Variants in WASL observed in about 807,000 individuals in gnomAD.
WASL encodes actin nucleation-promoting factor WASL.
In WASL, 20 loss-of-function variants were observed where a neutral mutation model predicts 55.5. The observed-to-expected ratio is 0.36, with a 90% CI of 0.25 to 0.52. The LOEUF (loss-of-function observed/expected upper bound fraction) is 0.52, where lower values mean the gene tolerates loss of function less well. WASL is among the 20% of genes least tolerant of loss of function. The pLI is 0.92. For missense variants in WASL, 504 were observed against 622.5 expected (o/e 0.81, Z 2.03); for synonymous variants, 249 against 217.6 (o/e 1.14, Z -1.27).
chr7:123,700,069 G>A (rs1306470206), intron 5 of WASL, among the ~76,000 whole-genome samples: 1 of 149,420 alleles, frequency 6.7e-6, no homozygotes, highest in East Asian at 2.0e-4. Context: ...CCAGCTACAC[G>A]GGAGGCTGAG....
chr7:123,743,597 G>GA (rs1412523710), intron 1 of WASL, among the ~76,000 whole-genome samples: 1 of 152,088 alleles, frequency 6.6e-6, no homozygotes, highest in Admixed American at 6.5e-5. Context: ...ATATAGAGCT[G>GA]AAAATTTTAC....
intron 1 of WASL, among the ~76,000 whole-genome samples, chr7:123,710,691 C>A (rs1803740288): frequency 6.6e-6 from 1 of 152,000 alleles, no homozygotes; most frequent in African/African-American, 2.4e-5. Flanking sequence ...CACAAAGGAA[C>A]AGAAAAATTT....
At position 123,737,254 on chromosome 7, in the gene WASL, G is replaced by A. The variant is rs368171992; in HGVS notation, c.117+11364C>T. Among the ~76,000 whole-genome samples the A allele has an allele frequency of 7.9e-5, 12 of 152,248 alleles. No individual in the cohort carries two copies. In the East Asian group the frequency reaches 9.6e-4, roughly 12 times the overall value. On this transcript the variant is annotated intron_variant, in intron 1 of 10. Transcript: ENST00000223023. ...GGGCCACATGCAGCCCATGGGCCAC[G>A]GGTTGGAAAAGCTTGGTCTACGTAC... is the stretch of plus-strand genomic sequence containing the variant.
chr7:123,740,322 A>G (rs1804317609), intron 1 of WASL, among the ~76,000 whole-genome samples: 1 of 152,112 alleles, frequency 6.6e-6, no homozygotes, highest in African/African-American at 2.4e-5. Context: ...AAAAAGGGTT[A>G]CAATTCCTCT....
rs1803249613 is a variant in WASL, at chr7:123,684,240, T to C, written c.*279A>G. 1 of 168,428 alleles carries C rather than the reference T, an allele frequency of 5.9e-6. No homozygotes were observed. The highest frequency in any genetic ancestry group is 1.3e-5 in the Non-Finnish European group (1 of 79,184). The allele number at this position is 168,428 out of a possible 1,614,324, so 10.4% of individuals were successfully genotyped here. A position where few individuals can be genotyped will look rare whatever the true frequency, so the allele number is the denominator to read the frequency against. Reference sequence around the variant, plus strand: ...GTTTTTGTCAGTCTCACATATAGTATTTAAACTCCCTTGTTGATGGAATGA... The same window carrying C: ...GTTTTTGTCAGTCTCACATATAGTACTTAAACTCCCTTGTTGATGGAATGA... On this transcript the variant is annotated 3_prime_UTR_variant, in exon 11 of 11. Coordinates refer to ENST00000223023, the MANE Select transcript of WASL (RefSeq NM_003941.4).
intron 5 of WASL, among the ~76,000 whole-genome samples, chr7:123,698,935 T>C (rs1014455320): frequency 6.6e-6 from 1 of 152,232 alleles, no homozygotes; most frequent in Non-Finnish European, 1.5e-5. Context: ...GGTCTACTTT[T>C]ACTTCTCATT....
chr7:123,709,142 G>A lies in WASL; in HGVS notation c.199C>T (p.Leu67Phe). The change falls in exon 2 of 11, where the codon CTT (leucine) becomes TTT (phenylalanine). Residue 67 changes from leucine to phenylalanine, a missense_variant. Around this residue, in one of 5 missense-constraint regions of WASL, gnomAD observed 230 missense variants for 271.9 expected, o/e 0.85. Coordinates refer to ENST00000223023, the MANE Select transcript of WASL (RefSeq NM_003941.4). ...WSKKCSGVAC[L>F]VKDNPQRSYF... Reference sequence around the variant, plus strand: ...GATCTCTGTGGATTGTCCTTAACAAGACAAGCAACACCACTGCACTTCTTT... The same window carrying A: ...GATCTCTGTGGATTGTCCTTAACAAAACAAGCAACACCACTGCACTTCTTT... 1.2e-6 allele frequency: 2 copies of A among 1,612,844 alleles called. No homozygotes were observed. Among genetic ancestry groups the A allele is most frequent in the Non-Finnish European group, 1.7e-6 (2 of 1,179,246 alleles).
intron 1 of WASL, among the ~76,000 whole-genome samples, chr7:123,710,039 C>A (rs536795476): frequency 6.6e-6 from 1 of 152,196 alleles, no homozygotes; most frequent in African/African-American, 2.4e-5. Flanking sequence ...CACCATGTTG[C>A]CCCCTTCCTC....
chr7:123,740,325 A>G (rs1344296932), intron 1 of WASL, among the ~76,000 whole-genome samples: 1 of 152,134 alleles, frequency 6.6e-6, no homozygotes, highest in Non-Finnish European at 1.5e-5. Context: ...AAGGGTTACA[A>G]TTCCTCTACA....
intron 1 of WASL, among the ~76,000 whole-genome samples, chr7:123,727,017 A>G (rs1804056231): frequency 6.6e-6 from 1 of 152,204 alleles, no homozygotes; most frequent in African/African-American, 2.4e-5. Flanking sequence ...TCTATGGGCA[A>G]AAGACCTGAA....
At chr7:123,743,249 A>G (rs1029718879) in intron 1 of WASL, among the ~76,000 whole-genome samples, 3 of 151,974 alleles carry the variant, frequency 2.0e-5, no homozygotes, top group Non-Finnish European at 4.4e-5. Flanking sequence ...AGGGAGGAGA[A>G]TAACTTGAAC....
At chr7:123,716,920 T>C (rs1353549910) in intron 1 of WASL, among the ~76,000 whole-genome samples, 1 of 152,134 alleles carries the variant, frequency 6.6e-6, no homozygotes, top group Non-Finnish European at 1.5e-5. Flanking sequence ...GGTCACATAT[T>C]ATACAGCTTT....
In WASL at chr7:123,684,486, CT is replaced by C; in HGVS notation, c.*32del. The C allele has an allele frequency of 1.8e-6, 1 of 569,394 alleles. No individual in the cohort carries two copies. The highest frequency in any genetic ancestry group is 2.8e-6 in the Non-Finnish European group (1 of 354,610). 35.3% of individuals were successfully genotyped at this position (569,394 alleles called of 1,614,324 possible). On this transcript the variant is annotated 3_prime_UTR_variant, in exon 11 of 11. Coordinates refer to ENST00000223023, the MANE Select transcript of WASL (RefSeq NM_003941.4). ...CAGAAAGTAGTGTTTAGTATTTCACCTTAAAAATATATATATATATATAATA... is the reference window on the plus strand; with the variant it reads ...CAGAAAGTAGTGTTTAGTATTTCACCTAAAAATATATATATATATATAATA...
At chr7:123,721,918 T>C (rs1803954540) in intron 1 of WASL, among the ~76,000 whole-genome samples, 1 of 152,114 alleles carries the variant, frequency 6.6e-6, no homozygotes, top group Non-Finnish European at 1.5e-5. Flanking sequence ...TATAAATTAA[T>C]TGGGAATGAT....
chr7:123,748,537 T>A, intron 1 of WASL, 81 bp downstream of exon 1: 1 of 1,492,530 alleles, frequency 6.7e-7, no homozygotes, highest in Middle Eastern at 1.8e-4. Flanking sequence ...CCCGCCTCCT[T>A]CCCCACTCCC....
intron 9 of WASL, 57 bp downstream of exon 9, chr7:123,692,290 C>T: frequency 6.5e-7 from 1 of 1,547,730 alleles, no homozygotes; most frequent in Non-Finnish European, 8.6e-7. Flanking sequence ...CAATAAATTA[C>T]TTTAAAATTC....
At chr7:123,742,920 G>C (rs1466033883) in intron 1 of WASL, among the ~76,000 whole-genome samples, 1 of 152,194 alleles carries the variant, frequency 6.6e-6, no homozygotes, top group East Asian at 1.9e-4. Flanking sequence ...CATTAGGCCT[G>C]TTCTTTCCCT....
chr7:123,720,964 C>T (rs1274252411), intron 1 of WASL, among the ~76,000 whole-genome samples: 2 of 151,970 alleles, frequency 1.3e-5, no homozygotes, highest in Admixed American at 6.6e-5. Flanking sequence ...GAAACAGTAA[C>T]CTAGCAAGAA....
chr7:123,744,029 T>C (rs1418321834), intron 1 of WASL, among the ~76,000 whole-genome samples: 1 of 152,238 alleles, frequency 6.6e-6, no homozygotes, highest in African/African-American at 2.4e-5. Flanking sequence ...CTTTCCTTAC[T>C]ACTCAAGGTG....
Sources: gnomAD v4.1 joint callset for allele counts (sites outside exome capture counted in the v4.1 genomes callset) on GRCh38, gnomAD v4.1.1 for gene constraint, gnomAD v4.1.1 regional missense constraint, MANE v1.5 for transcripts, NCBI Gene and HGNC (gene_info 2026-07-23, HGNC 2026-07-21) for gene names.